Variants in ZNF804B observed in about 807,000 individuals in gnomAD.
ZNF804B encodes zinc finger protein 804B, also known as zinc finger 804B.
ZNF804B carries 80 observed loss-of-function variants against 101.4 expected under a neutral mutation model. The observed-to-expected ratio is 0.79, with a 90% CI of 0.66 to 0.95. ZNF804B has a LOEUF of 0.95. Among genes scored for constraint, ZNF804B ranks in the 40% least tolerant of loss-of-function variants. ZNF804B has a pLI of 0.00. For synonymous variants in ZNF804B, 622 were observed against 558.8 expected, an observed-to-expected ratio of 1.11 and a Z score of -1.59; for missense variants, 1,673 against 1,561.9, an observed-to-expected ratio of 1.07 and a Z score of -1.20.
chr7:88,790,099 G>T (rs1208307415), intron 1 of ZNF804B, among the ~76,000 whole-genome samples: 1 of 151,858 alleles, frequency 6.6e-6, no homozygotes, highest in Non-Finnish European at 1.5e-5. Flanking sequence ...GAATGGTGCT[G>T]GCCACATCAT....
intron 2 of ZNF804B, among the ~76,000 whole-genome samples, chr7:89,228,235 A>G (rs1467473725): frequency 8.3e-5 from 10 of 120,498 alleles, no homozygotes; most frequent in Admixed American, 8.2e-4. Context: ...GTGTGTACCC[A>G]AAGAGTGAGC....
At chr7:89,176,456 G>C (rs1182954653) in intron 1 of ZNF804B, among the ~76,000 whole-genome samples, 1 of 151,786 alleles carries the variant, frequency 6.6e-6, no homozygotes, top group Non-Finnish European at 1.5e-5. Flanking sequence ...ACTTGGTCAT[G>C]ATGAATGATC....
At chr7:88,966,516 A>G (rs1793457056) in intron 1 of ZNF804B, among the ~76,000 whole-genome samples, 1 of 151,548 alleles carries the variant, frequency 6.6e-6, no homozygotes, top group African/African-American at 2.4e-5. Flanking sequence ...GTTAATATTT[A>G]TTGATATAGA....
At chr7:88,856,775 C>T (rs1331414329) in intron 1 of ZNF804B, among the ~76,000 whole-genome samples, 9 of 152,062 alleles carry the variant, frequency 5.9e-5, no homozygotes, top group African/African-American at 9.7e-5. Flanking sequence ...TTTTGAGATA[C>T]GTCCCATCAA....
intron 1 of ZNF804B, among the ~76,000 whole-genome samples, chr7:89,130,372 C>T (rs1790530146): frequency 6.6e-6 from 1 of 151,780 alleles, no homozygotes; most frequent in African/African-American, 2.4e-5. Flanking sequence ...GAGACATTGA[C>T]CATAGTAAGG....
chr7:89,288,768 G>T (rs554004478), intron 2 of ZNF804B, among the ~76,000 whole-genome samples: 42 of 152,264 alleles, frequency 2.8e-4, no homozygotes, highest in Middle Eastern at 3.4e-3. Flanking sequence ...CAGGATAAAG[G>T]TTAATTATGG....
At chr7:89,124,297 T>C (rs1790447127) in intron 1 of ZNF804B, among the ~76,000 whole-genome samples, 1 of 152,132 alleles carries the variant, frequency 6.6e-6, no homozygotes, top group African/African-American at 2.4e-5. Flanking sequence ...ACAATAATTC[T>C]CAGTCTAGCT....
chr7:89,243,637 T>A (rs1456151798), intron 2 of ZNF804B, among the ~76,000 whole-genome samples: 1 of 151,844 alleles, frequency 6.6e-6, no homozygotes, highest in African/African-American at 2.4e-5. Context: ...AGTAATATGA[T>A]TATTTAAGGA....
chr7:89,235,593 A>G (rs960280491), intron 2 of ZNF804B, among the ~76,000 whole-genome samples: 17 of 152,202 alleles, frequency 1.1e-4, no homozygotes, highest in African/African-American at 4.1e-4. Context: ...CTTTGCAAAA[A>G]CATCCTGGAT....
At chr7:89,101,059 C>T (rs888704324) in intron 1 of ZNF804B, among the ~76,000 whole-genome samples, 9 of 151,962 alleles carry the variant, frequency 5.9e-5, no homozygotes, top group African/African-American at 2.2e-4. Flanking sequence ...CATCATTTTT[C>T]TTCAAACTGA....
At chr7:89,176,591 C>CTTTTTTTTTTTTT (rs35866405) in intron 1 of ZNF804B, among the ~76,000 whole-genome samples, 78 of 71,948 alleles carry the variant, frequency 1.1e-3, no homozygotes, top group East Asian at 3.6e-3. Context: ...TTCTTTCTTT[C>CTTTTTTTTTTTTT]TTTTTTTTTT....
At chr7:88,831,561 C>G (rs1210855407) in intron 1 of ZNF804B, among the ~76,000 whole-genome samples, 1 of 150,480 alleles carries the variant, frequency 6.6e-6, no homozygotes, top group Non-Finnish European at 1.5e-5. Context: ...CACGTTTTGA[C>G]AAAAACAAAC....
intron 1 of ZNF804B, among the ~76,000 whole-genome samples, chr7:88,975,483 G>A (rs1224023484): frequency 6.6e-6 from 1 of 151,332 alleles, no homozygotes; most frequent in African/African-American, 2.4e-5. Flanking sequence ...ATTTTAACAA[G>A]GATGAGAAAG....
intron 1 of ZNF804B, among the ~76,000 whole-genome samples, chr7:89,107,914 G>A (rs1029439): frequency 0.18 from 26,751 of 151,966 alleles, 2,442 homozygotes; most frequent in Non-Finnish European, 0.2. Flanking sequence ...GGTCCTTCCC[G>A]GAAGGTCGCC....
At chr7:89,235,786 A>C (rs2115750550) in intron 2 of ZNF804B, among the ~76,000 whole-genome samples, 1 of 152,032 alleles carries the variant, frequency 6.6e-6, no homozygotes, top group Non-Finnish European at 1.5e-5. Context: ...GGAATGTAAC[A>C]ATTGACTAAA....
At chr7:89,274,267 G>A (rs908880920) in intron 2 of ZNF804B, among the ~76,000 whole-genome samples, 12 of 141,280 alleles carry the variant, frequency 8.5e-5, no homozygotes, top group Non-Finnish European at 1.7e-4. Context: ...CCACTAACTC[G>A]TCATCTAGCA....
In ZNF804B at chr7:89,334,228, A is replaced by G; in HGVS notation, c.1246A>G (p.Lys416Glu). The stretch of plus-strand genomic sequence containing the variant: ...AGAGAACAGAGAAAAATCTTTAGAT[A>G]AAACAGAAAGAGTTAGCAAAAATGT... ...RIENREKSLDKTERVSKNVQR... is the reference protein window; with the variant it reads ...RIENREKSLDETERVSKNVQR... The change falls in exon 4 of 4, where the codon AAA becomes GAA. Residue 416 changes from lysine to glutamate, a missense_variant. Transcript: ENST00000333190. 1 of 1,613,538 alleles carries G rather than the reference A, an allele frequency of 6.2e-7. No homozygotes were observed. The highest frequency in any genetic ancestry group is 8.5e-7 in the Non-Finnish European group (1 of 1,179,766).
intron 1 of ZNF804B, among the ~76,000 whole-genome samples, chr7:88,796,254 A>AT (rs1790482583): frequency 6.6e-6 from 1 of 152,216 alleles, no homozygotes; most frequent in South Asian, 2.1e-4. Flanking sequence ...ACCTAAGAAT[A>AT]ATTTTTTCCC....
chr7:88,760,927 A>G (rs949025945), intron 1 of ZNF804B, among the ~76,000 whole-genome samples: 8 of 146,992 alleles, frequency 5.4e-5, no homozygotes, highest in African/African-American at 2.0e-4. Flanking sequence ...ATATATATAT[A>G]ATAAATATAT....
Sources: gnomAD v4.1 joint callset for allele counts (sites outside exome capture counted in the v4.1 genomes callset) on GRCh38, gnomAD v4.1.1 for gene constraint, MANE v1.5 for transcripts, NCBI Gene and HGNC (gene_info 2026-07-23, HGNC 2026-07-21) for gene names.